C1orf21: variants seen among roughly 807,000 people sequenced by gnomAD.
C1orf21 encodes the protein uncharacterized protein C1orf21.
C1orf21 carries 3 observed loss-of-function variants against 18.7 expected under a neutral mutation model. The observed-to-expected ratio is 0.16, with a 90% CI of 0.07 to 0.42. C1orf21 has a LOEUF of 0.42. C1orf21 is among the 10% of genes least tolerant of loss of function. C1orf21 has a pLI of 0.99. For synonymous variants in C1orf21, 41 were observed against 46.4 expected, an observed-to-expected ratio of 0.88 and a Z score of 0.47; for missense variants, 104 against 143.6, an observed-to-expected ratio of 0.72 and a Z score of 1.41.
intron 3 of C1orf21, among the ~76,000 whole-genome samples, chr1:184,541,818 G>A (rs1007947859): frequency 6.6e-6 from 1 of 152,128 alleles, no homozygotes; most frequent in East Asian, 1.9e-4. Flanking sequence ...GGAAACCAGG[G>A]GGATCACGGA....
chr1:184,534,930 A>G (rs1658528085), intron 3 of C1orf21, among the ~76,000 whole-genome samples: 3 of 152,052 alleles, frequency 2.0e-5, no homozygotes, highest in South Asian at 4.2e-4. Flanking sequence ...CCTGAACTGG[A>G]GTATAGTCCA....
At chr1:184,408,670 G>T (rs368898378) in intron 1 of C1orf21, among the ~76,000 whole-genome samples, 1 of 152,134 alleles carries the variant, frequency 6.6e-6, no homozygotes, top group South Asian at 2.1e-4. Context: ...TACCATCAAG[G>T]AGGGATTTTT....
At chr1:184,413,001 C>T (rs1256350960) in intron 1 of C1orf21, among the ~76,000 whole-genome samples, 2 of 152,176 alleles carry the variant, frequency 1.3e-5, no homozygotes, top group Non-Finnish European at 2.9e-5. Flanking sequence ...GTTTTGATGA[C>T]TGCAAGCATG....
At position 184,570,860 on chromosome 1, in the gene C1orf21, G is replaced by A. The variant is rs182642767; in HGVS notation, c.190-19879G>A. On this transcript the variant is annotated intron_variant, in intron 3 of 5. Coordinates refer to ENST00000235307, the MANE Select transcript of C1orf21 (RefSeq NM_030806.4). ...GAACCTCATAGAGTGAACTTACACA[G>A]GTTCTACACACCTAGGCTCTATGGT... Among the ~76,000 whole-genome samples the A allele has an allele frequency of 3.3e-5, 5 of 152,220 alleles. No individual in the cohort carries two copies. The East Asian group carries it at 9.7e-4, about 29-fold the overall frequency.
chr1:184,584,644 T>C (rs1266078382), intron 3 of C1orf21, among the ~76,000 whole-genome samples: 3 of 152,202 alleles, frequency 2.0e-5, no homozygotes, highest in South Asian at 2.1e-4. Context: ...CTATTCATAA[T>C]AACCACAAAC....
At chr1:184,462,219 G>T (rs757890428) in intron 1 of C1orf21, among the ~76,000 whole-genome samples, 5 of 152,200 alleles carry the variant, frequency 3.3e-5, no homozygotes, top group Non-Finnish European at 7.3e-5. Context: ...TGGGTATTCA[G>T]CCTAGGGCAT....
chr1:184,568,934 A>C (rs1022171031), intron 3 of C1orf21, among the ~76,000 whole-genome samples: 1 of 152,248 alleles, frequency 6.6e-6, no homozygotes, highest in African/African-American at 2.4e-5. Flanking sequence ...ACCTTTATTG[A>C]GTACCTACCA....
chr1:184,582,840 T>G (rs1659293330), intron 3 of C1orf21, among the ~76,000 whole-genome samples: 1 of 152,024 alleles, frequency 6.6e-6, no homozygotes, highest in Non-Finnish European at 1.5e-5. Context: ...TTTGTTTGTT[T>G]GTTTGTTTTG....
intron 2 of C1orf21, among the ~76,000 whole-genome samples, chr1:184,484,886 G>C (rs1481562158): frequency 3.2e-5 from 1 of 31,450 alleles, no homozygotes; most frequent in Admixed American, 3.9e-4. Flanking sequence ...GCTTGTGGCT[G>C]TGTGTGTGTG....
chr1:184,437,357 C>T (rs11801577), intron 1 of C1orf21, among the ~76,000 whole-genome samples: 4,435 of 152,202 alleles, frequency 0.029, 204 homozygotes, highest in African/African-American at 0.098. Flanking sequence ...CAACAGCCAT[C>T]GATCAGGAAA....
intron 3 of C1orf21, among the ~76,000 whole-genome samples, chr1:184,549,349 G>A (rs1446236149): frequency 6.6e-6 from 1 of 152,122 alleles, no homozygotes; most frequent in Non-Finnish European, 1.5e-5. Flanking sequence ...TTAAATTAAT[G>A]AAGTAGAATC....
rs538274752 is a variant in C1orf21, at chr1:184,586,834, G to A, written c.190-3905G>A. Among the ~76,000 whole-genome samples the A allele has an allele frequency of 6.6e-5, 10 of 152,196 alleles. No homozygotes were observed. The South Asian group carries it at 2.1e-3, about 32-fold the overall frequency. On this transcript the variant is annotated intron_variant, in intron 3 of 5. Transcript: ENST00000235307. ...TGCTCTTGTTGCAGTTGTTTTTGAT[G>A]TCTTTGTCATGAAATCTTTGTCCAT...
chr1:184,520,209 G>A (rs111694597), intron 3 of C1orf21, among the ~76,000 whole-genome samples: 5,074 of 152,206 alleles, frequency 0.033, 124 homozygotes, highest in Middle Eastern at 0.068. Context: ...AGATGACTCC[G>A]TTTTTTGGTT....
intron 4 of C1orf21, among the ~76,000 whole-genome samples, chr1:184,595,280 T>A (rs1270928350): frequency 6.6e-6 from 1 of 152,194 alleles, no homozygotes; most frequent in Non-Finnish European, 1.5e-5. Flanking sequence ...ACTTAAGTCA[T>A]AAACAATTCA....
chr1:184,563,380 A>G (rs1234107204), intron 3 of C1orf21, among the ~76,000 whole-genome samples: 1 of 152,232 alleles, frequency 6.6e-6, no homozygotes, highest in African/African-American at 2.4e-5. Context: ...TGTGTTGGTT[A>G]AAAGTTACCA....
At chr1:184,433,446 A>G (rs1274268343) in intron 1 of C1orf21, among the ~76,000 whole-genome samples, 1 of 152,104 alleles carries the variant, frequency 6.6e-6, no homozygotes, top group Non-Finnish European at 1.5e-5. Context: ...GCACACATAG[A>G]TGCTTCCAAT....
intron 1 of C1orf21, among the ~76,000 whole-genome samples, chr1:184,402,680 C>T (rs1054657582): frequency 6.6e-6 from 1 of 150,748 alleles, no homozygotes; most frequent in African/African-American, 2.4e-5. Flanking sequence ...TTATATAATT[C>T]ATTTCTATAC....
intron 1 of C1orf21, among the ~76,000 whole-genome samples, chr1:184,414,221 C>T (rs984279631): frequency 6.6e-6 from 1 of 152,134 alleles, no homozygotes; most frequent in Non-Finnish European, 1.5e-5. Flanking sequence ...GGCCTCGACT[C>T]CCAGGCTCAA....
chr1:184,619,213 C>T (rs902849386), intron 5 of C1orf21, among the ~76,000 whole-genome samples: 1 of 152,020 alleles, frequency 6.6e-6, no homozygotes, highest in African/African-American at 2.4e-5. Context: ...AATGGATTGG[C>T]CATTTGGTAA....
Sources: gnomAD v4.1 joint callset for allele counts (sites outside exome capture counted in the v4.1 genomes callset) on GRCh38, gnomAD v4.1.1 for gene constraint, MANE v1.5 for transcripts, NCBI Gene and HGNC (gene_info 2026-07-23, HGNC 2026-07-21) for gene names.